Variants in CACNA1I observed in about 807,000 individuals in gnomAD.
The protein encoded by CACNA1I is voltage-dependent T-type calcium channel subunit alpha-1I.
Under a neutral mutation model 201.6 loss-of-function variants are expected in CACNA1I, and 74 were observed. The ratio of observed to expected loss-of-function variants is 0.37; its 90% CI spans 0.30 to 0.45. The LOEUF (loss-of-function observed/expected upper bound fraction) is 0.45, where lower values mean the gene tolerates loss of function less well. CACNA1I is among the 20% of genes least tolerant of loss of function. The probability of loss-of-function intolerance (pLI) is 1.00; values close to 1 mark genes in which losing one functional copy is unlikely to be tolerated. For missense variants in CACNA1I, 2,346 were observed against 3,138.1 expected (o/e 0.75, Z 6.03); for synonymous variants, 1,431 against 1,345.2 (o/e 1.06, Z -1.40).
In CACNA1I at chr22:39,685,995, A is replaced by G. The variant is rs1200546923; in HGVS notation, c.6262A>G (p.Ser2088Gly). 8.0e-7 allele frequency: 1 copy of G among 1,244,330 alleles called. No homozygotes were observed. Among genetic ancestry groups the G allele is most frequent in the Non-Finnish European group, 1.0e-6 (1 of 999,424 alleles). 77.1% of individuals were successfully genotyped at this position (1,244,330 alleles called of 1,614,324 possible). ...RGLRAHQRSH[S>G]SGGSTSPGCT... The stretch of plus-strand genomic sequence containing the variant: ...GCTGCGGGCGCATCAGCGCAGCCAC[A>G]GCAGCGGGGGCTCCACCAGCCCGGG... The change falls in exon 37 of 37, where the codon AGC (serine) becomes GGC (glycine). Residue 2088 changes from serine (S) to glycine (G), a missense_variant. Around this residue, in one of 13 missense-constraint regions of CACNA1I, gnomAD observed 441 missense variants for 555.6 expected, o/e 0.79. Coordinates refer to ENST00000402142, the MANE Select transcript of CACNA1I (RefSeq NM_021096.4). The surrounding 1 kb of genome is among the most constrained non-coding windows in gnomAD (Gnocchi z 5.0).
At chr22:39,590,798 G>T (rs1932811832) in intron 1 of CACNA1I, among the ~76,000 whole-genome samples, 2 of 152,312 alleles carry the variant, frequency 1.3e-5, no homozygotes, top group South Asian at 2.1e-4. Flanking sequence ...TGCTGATGTT[G>T]CAGGGTGACC....
In CACNA1I at chr22:39,648,355, A is replaced by T. The variant is rs1255532256; in HGVS notation, c.1567+429A>T. ...CTGGTGTTGCTGGAGGACGTGGGGG[A>T]GAAGTGTTCACTCCAACGGGCTTCC... is the stretch of plus-strand genomic sequence containing the variant. On this transcript the variant is annotated intron_variant, in intron 9 of 36. Coordinates refer to ENST00000402142, the MANE Select transcript of CACNA1I (RefSeq NM_021096.4). This position sits in a 1 kb window ranked among gnomAD's most constrained non-coding sequence, Gnocchi z 5.4. Among the ~76,000 whole-genome samples the T allele has an allele frequency of 6.6e-6, 1 of 152,022 alleles. No homozygotes were observed. Among genetic ancestry groups the T allele is most frequent in the Non-Finnish European group, 1.5e-5 (1 of 68,000 alleles).
chr22:39,682,965 C>T (rs764225753), intron 35 of CACNA1I, among the ~76,000 whole-genome samples: 6 of 151,968 alleles, frequency 3.9e-5, no homozygotes, highest in Admixed American at 6.5e-5. Context: ...TGGGTACACA[C>T]GGCTCTCATC....
chr22:39,588,490 A>G (rs1021150052), intron 1 of CACNA1I, among the ~76,000 whole-genome samples: 1 of 146,980 alleles, frequency 6.8e-6, no homozygotes, highest in African/African-American at 2.5e-5. Flanking sequence ...AGTTCACGCC[A>G]TTCTCCTGCC....
chr22:39,635,203 A>G (rs1004041932), intron 5 of CACNA1I, among the ~76,000 whole-genome samples: 5 of 152,222 alleles, frequency 3.3e-5, no homozygotes, highest in Non-Finnish European at 7.3e-5. Context: ...GGATGTGAAT[A>G]TGCATTCATT....
rs1935823437 is a variant in CACNA1I at position 39,685,275 on chromosome 22, TGCAGGTGGGGGGCCCCGGGGTTG to T, written c.6028-484_6028-462del. ...GGGAGAACAGCTCCTGGGGAGGGGC[TGCAGGTGGGGGGCCCCGGGGTTG>T]GGAGGTGGGGGGCTCTGGGGCTGGG... is the stretch of plus-strand genomic sequence containing the variant. On this transcript the variant is annotated intron_variant, in intron 36 of 36. Transcript: ENST00000402142. This position sits in a 1 kb window ranked among gnomAD's most constrained non-coding sequence, Gnocchi z 5.0. 1.2e-5 allele frequency: 1 copy of T among 84,416 alleles called. No individual in the cohort carries two copies. Among genetic ancestry groups the T allele is most frequent in the South Asian group, 4.2e-4 (1 of 2,406 alleles). The allele number at this position is 84,416 out of a possible 1,614,324, so 5.2% of individuals were successfully genotyped here. A position where few individuals can be genotyped will look rare whatever the true frequency, so the allele number is the denominator to read the frequency against.
chr22:39,607,948 T>A (rs989671944), intron 3 of CACNA1I, among the ~76,000 whole-genome samples: 1 of 150,470 alleles, frequency 6.6e-6, no homozygotes, highest in African/African-American at 2.5e-5. Flanking sequence ...TGAAACCCTG[T>A]CTCTACTAAA....
At chr22:39,667,738 A>G (rs967131903) in intron 23 of CACNA1I, among the ~76,000 whole-genome samples, 2 of 152,088 alleles carry the variant, frequency 1.3e-5, no homozygotes, top group Non-Finnish European at 2.9e-5. Flanking sequence ...ACCATTTTAC[A>G]GATGAGGAAA....
intron 2 of CACNA1I, among the ~76,000 whole-genome samples, chr22:39,598,946 T>TTTTTG (rs1555902526): frequency 8.0e-6 from 1 of 124,614 alleles, no homozygotes; most frequent in African/African-American, 3.0e-5. Context: ...CTTGGGTTTT[T>TTTTTG]TTTTTTTTTT....
chr22:39,678,492 C>G (rs532138564), intron 31 of CACNA1I, among the ~76,000 whole-genome samples: 235 of 152,306 alleles, frequency 1.5e-3, no homozygotes, highest in Non-Finnish European at 2.5e-3. Flanking sequence ...CCGGGCTGGG[C>G]TGGGAAGGGC....
intron 6 of CACNA1I, among the ~76,000 whole-genome samples, chr22:39,642,108 T>G (rs136821): frequency 0.17 from 25,285 of 152,132 alleles, 2,322 homozygotes; most frequent in Admixed American, 0.28. Context: ...TGCTGCCCTG[T>G]GCTGCCCTCT....
chr22:39,611,219 G>A (rs918336782), intron 3 of CACNA1I, among the ~76,000 whole-genome samples: 3 of 152,166 alleles, frequency 2.0e-5, no homozygotes, highest in Admixed American at 6.5e-5. Context: ...ACCCATGATG[G>A]TGTTACATCC....
Position 39,685,750 on chromosome 22 carries a change from C to T in CACNA1I, c.6028-11C>T, listed in dbSNP as rs565199169. The stretch of plus-strand genomic sequence containing the variant: ...ACACAGGCGGCCTCCACGGCTCCCA[C>T]CTCCCCCCAGGCCACCGGGAGCGAC... On this transcript the variant is annotated splice_polypyrimidine_tract_variant and intron_variant, in intron 36 of 36. Transcript: ENST00000402142. The surrounding 1 kb of genome is among the most constrained non-coding windows in gnomAD (Gnocchi z 5.0). 2.5e-5 allele frequency: 37 copies of T among 1,461,412 alleles called. No individual in the cohort carries two copies. The East Asian group carries it at 7.9e-4, about 31-fold the overall frequency. The allele number at this position is 1,461,412 out of a possible 1,614,324, so 90.5% of individuals were successfully genotyped here. A position where few individuals can be genotyped will look rare whatever the true frequency, so the allele number is the denominator to read the frequency against.
At chr22:39,658,422 T>C in intron 11 of CACNA1I, 119 bp downstream of exon 11, 1 of 937,436 alleles carries the variant, frequency 1.1e-6, no homozygotes, top group East Asian at 2.7e-5. Context: ...ACTGAAACAA[T>C]TATCGAAATA....
chr22:39,582,696 A>G (rs953032545), intron 1 of CACNA1I, among the ~76,000 whole-genome samples: 2 of 151,232 alleles, frequency 1.3e-5, no homozygotes, highest in African/African-American at 2.4e-5. Flanking sequence ...GAAATGTCAC[A>G]TTCCCAACTA....
At chr22:39,672,872 TC>T (rs1320646865) in intron 27 of CACNA1I, 76 bp from the exon 28 acceptor site, 9 of 1,478,574 alleles carry the variant, frequency 6.1e-6, no homozygotes, top group Admixed American at 2.2e-5. Context: ...CCTGGGAGGC[TC>T]CCCCCACTAA....
Position 39,670,813 on chromosome 22 carries a change from G to T in CACNA1I, c.4398G>T (p.Arg1466=). The change falls in exon 26 of 37, where the codon CGG becomes CGT. Residue 1466 remains arginine (R), a synonymous_variant. Coordinates refer to ENST00000402142, the MANE Select transcript of CACNA1I (RefSeq NM_021096.4). ...RLEKKRRKAQ[R]LPYYATYCHT... ...CTGCACCACCTGCAGAGGCCCAGCG[G>T]CTGCCCTACTATGCCACCTATTGTC... 1.2e-6 allele frequency: 2 copies of T among 1,613,822 alleles called. No individual in the cohort carries two copies. The highest frequency in any genetic ancestry group is 2.7e-5 in the African/African-American group (2 of 75,012).
intron 3 of CACNA1I, among the ~76,000 whole-genome samples, chr22:39,605,535 C>G (rs1018860650): frequency 6.6e-6 from 1 of 152,214 alleles, no homozygotes; most frequent in Non-Finnish European, 1.5e-5. Context: ...CATGCCAGGC[C>G]TTGTGCAGAG....
At chr22:39,644,856 G>A (rs571730785) in intron 7 of CACNA1I, among the ~76,000 whole-genome samples, 4 of 148,064 alleles carry the variant, frequency 2.7e-5, no homozygotes, top group African/African-American at 1.0e-4. Flanking sequence ...CCTGGCTAAT[G>A]TTTAAATTTT....
Sources: gnomAD v4.1 joint callset for allele counts (sites outside exome capture counted in the v4.1 genomes callset) on GRCh38, gnomAD v4.1.1 for gene constraint, gnomAD v4.1.1 regional missense constraint, Gnocchi (gnomAD v3.1) non-coding constraint, MANE v1.5 for transcripts, NCBI Gene and HGNC (gene_info 2026-07-23, HGNC 2026-07-21) for gene names.